Variants in SELENOI observed in about 807,000 individuals in gnomAD.
The protein encoded by SELENOI is ethanolaminephosphotransferase 1.
A neutral mutation model predicts 50.7 loss-of-function variants in SELENOI; 24 were observed. The ratio of observed to expected loss-of-function variants is 0.47; its 90% CI spans 0.34 to 0.67. The LOEUF (loss-of-function observed/expected upper bound fraction) is 0.67. Among genes scored for constraint, SELENOI ranks in the 30% least tolerant of loss-of-function variants. The pLI is 0.01. For missense variants in SELENOI, 352 were observed against 461.4 expected (o/e 0.76, Z 2.17); for synonymous variants, 155 against 170.2 (o/e 0.91, Z 0.70).
At chr2:26,371,633 C>T (rs1403068965) in intron 4 of SELENOI, among the ~76,000 whole-genome samples, 2 of 152,036 alleles carry the variant, frequency 1.3e-5, no homozygotes, top group South Asian at 2.1e-4. Flanking sequence ...CCGAGGCTGG[C>T]GGATCACTCG....
intron 4 of SELENOI, among the ~76,000 whole-genome samples, chr2:26,371,180 C>T (rs1323696308): frequency 6.6e-6 from 1 of 150,752 alleles, no homozygotes; most frequent in African/African-American, 2.4e-5. Context: ...CCCTCCCGGA[C>T]GGGGTGGCTG....
intron 9 of SELENOI, among the ~76,000 whole-genome samples, chr2:26,387,515 A>G (rs1047874211): frequency 6.6e-6 from 1 of 150,756 alleles, no homozygotes; most frequent in Non-Finnish European, 1.5e-5. Context: ...ACAGTGTGAA[A>G]CCCTGTCTCT....
intron 6 of SELENOI, among the ~76,000 whole-genome samples, chr2:26,379,519 A>G (rs1285487585): frequency 6.6e-6 from 1 of 152,014 alleles, no homozygotes; most frequent in East Asian, 1.9e-4. Context: ...GAACAGTGTT[A>G]TTAGGTACTG....
intron 3 of SELENOI, 56 bp from the exon 4 acceptor site, chr2:26,367,090 T>G: frequency 7.0e-7 from 1 of 1,420,748 alleles, no homozygotes; most frequent in Non-Finnish European, 9.7e-7. Flanking sequence ...GTATATGCTA[T>G]GGTAAGAACT....
At position 26,350,421 on chromosome 2, in the gene SELENOI, C is replaced by T. The variant is rs138872778; in HGVS notation, c.57+4132C>T. Among the ~76,000 whole-genome samples, 36 of 151,984 alleles carry T rather than the reference C, an allele frequency of 2.4e-4. No individual in the cohort carries two copies. The East Asian group carries it at 4.1e-3, about 17-fold the overall frequency. On this transcript the variant is annotated intron_variant, in intron 1 of 9. Coordinates refer to ENST00000260585, the MANE Select transcript of SELENOI (RefSeq NM_033505.4). ...TCGCCCAGGCTGGAGTGCAGTGGTG[C>T]GATCATAGCTTACTGCAGCCTTGAA...
chr2:26,380,141 C>T (rs1199227800), intron 6 of SELENOI, among the ~76,000 whole-genome samples: 2 of 152,048 alleles, frequency 1.3e-5, no homozygotes, highest in African/African-American at 4.8e-5. Flanking sequence ...ATTCATTTTT[C>T]CTTTATAATT....
intron 9 of SELENOI, among the ~76,000 whole-genome samples, chr2:26,387,864 G>C (rs1677880508): frequency 6.6e-6 from 1 of 152,152 alleles, no homozygotes; most frequent in Admixed American, 6.6e-5. Flanking sequence ...TGGTATGCTT[G>C]TTTGAAAGGA....
intron 4 of SELENOI, among the ~76,000 whole-genome samples, chr2:26,371,411 G>A (rs921906830): frequency 6.6e-6 from 1 of 151,986 alleles, no homozygotes; most frequent in African/African-American, 2.4e-5. Flanking sequence ...TCACTTCCTA[G>A]ATGTGATGGC....
intron 4 of SELENOI, among the ~76,000 whole-genome samples, chr2:26,370,885 A>T (rs866692130): frequency 2.6e-5 from 1 of 38,838 alleles, no homozygotes; most frequent in African/African-American, 1.1e-4. Context: ...GGGGGCTGAC[A>T]CCCCCACCTC....
Position 26,391,983 on chromosome 2 carries a change from A to C in SELENOI, c.*2880A>C, listed in dbSNP as rs1330678725. On this transcript the variant is annotated 3_prime_UTR_variant, in exon 10 of 10. Transcript: ENST00000260585. ...GAATACCTTCCAAATAAAAAGCTAA[A>C]TATTCCTCCTTGTCATTTTAATGTC... The C allele has an allele frequency of 6.6e-6, 1 of 152,220 alleles. No individual in the cohort carries two copies. The highest frequency in any genetic ancestry group is 1.5e-5 in the Non-Finnish European group (1 of 68,038). The allele number at this position is 152,220 out of a possible 1,614,324, so 9.4% of individuals were successfully genotyped here. A position where few individuals can be genotyped will look rare whatever the true frequency, so the allele number is the denominator to read the frequency against.
At chr2:26,371,260 C>T (rs565776443) in intron 4 of SELENOI, among the ~76,000 whole-genome samples, 9 of 148,750 alleles carry the variant, frequency 6.1e-5, no homozygotes, top group South Asian at 2.2e-4. Context: ...ACTTCTCAGA[C>T]GGGGTGGCCG....
chr2:26,379,798 A>T (rs1320098740), intron 6 of SELENOI, among the ~76,000 whole-genome samples: 1 of 152,160 alleles, frequency 6.6e-6, no homozygotes, highest in Non-Finnish European at 1.5e-5. Flanking sequence ...GTAGTACAGA[A>T]TTTTTACTTA....
intron 1 of SELENOI, among the ~76,000 whole-genome samples, chr2:26,353,367 G>C (rs1279392507): frequency 6.6e-6 from 1 of 152,124 alleles, no homozygotes; most frequent in South Asian, 2.1e-4. Flanking sequence ...GGACATTTCT[G>C]TAAAAATTTC....
chr2:26,351,110 G>A (rs898949051), intron 1 of SELENOI, among the ~76,000 whole-genome samples: 2 of 146,690 alleles, frequency 1.4e-5, no homozygotes, highest in African/African-American at 5.1e-5. Context: ...CCAGGCTGGA[G>A]TGCAGAGGTA....
In SELENOI at chr2:26,388,472, C is replaced by T. The variant is rs150950679; in HGVS notation, c.1096-533C>T. 8.0e-3 allele frequency among the ~76,000 whole-genome samples: 1,212 copies of T among 152,224 alleles called. 15 individuals are homozygous for T. Among genetic ancestry groups the T allele is most frequent in the Middle Eastern group, 0.02 (6 of 294 alleles). Reference sequence around the variant, plus strand: ...GGCCAGAAGTTAAAACTTGCTAGGCCACACAAAACATTCACTTGAACTGCT... The same window carrying T: ...GGCCAGAAGTTAAAACTTGCTAGGCTACACAAAACATTCACTTGAACTGCT... On this transcript the variant is annotated intron_variant, in intron 9 of 9. Coordinates refer to ENST00000260585, the MANE Select transcript of SELENOI (RefSeq NM_033505.4).
At chr2:26,358,308 A>T (rs1574751218) in intron 1 of SELENOI, among the ~76,000 whole-genome samples, 1 of 152,012 alleles carries the variant, frequency 6.6e-6, no homozygotes, top group South Asian at 2.1e-4. Context: ...AATCGCTTGA[A>T]CCTGGGAGGC....
At chr2:26,370,381 C>T (rs1677390341) in intron 4 of SELENOI, among the ~76,000 whole-genome samples, 1 of 151,898 alleles carries the variant, frequency 6.6e-6, no homozygotes, top group Admixed American at 6.5e-5. Context: ...GGGCACACCT[C>T]CCAGACGGGG....
At chr2:26,354,205 T>G (rs981694990) in intron 1 of SELENOI, among the ~76,000 whole-genome samples, 5 of 152,140 alleles carry the variant, frequency 3.3e-5, no homozygotes, top group African/African-American at 1.2e-4. Flanking sequence ...TTTCCCTGTT[T>G]CACCGAGACA....
intron 1 of SELENOI, among the ~76,000 whole-genome samples, chr2:26,361,773 C>A (rs1225743390): frequency 6.6e-6 from 1 of 152,150 alleles, no homozygotes; most frequent in Non-Finnish European, 1.5e-5. Context: ...CCTGCCTCAG[C>A]CTCCCAAGTA....
Sources: gnomAD v4.1 joint callset for allele counts (sites outside exome capture counted in the v4.1 genomes callset) on GRCh38, gnomAD v4.1.1 for gene constraint, MANE v1.5 for transcripts, NCBI Gene and HGNC (gene_info 2026-07-23, HGNC 2026-07-21) for gene names.